METTL15: variants seen among roughly 807,000 people sequenced by gnomAD.
METTL15 encodes 12S rRNA N(4)-cytidine methyltransferase METTL15.
Under a neutral mutation model 38.3 loss-of-function variants are expected in METTL15, and 34 were observed. The observed-to-expected ratio is 0.89, with a 90% confidence interval of 0.68 to 1.18. The LOEUF (loss-of-function observed/expected upper bound fraction) is 1.18, where lower values mean the gene tolerates loss of function less well. Ranked by LOEUF, METTL15 falls within the 50% of genes most tolerant of loss-of-function variation. METTL15 has a pLI of 0.00. For missense variants in METTL15, 438 were observed against 498.4 expected, an observed-to-expected ratio of 0.88 and a Z score of 1.15; for synonymous variants, 162 against 170.9, an observed-to-expected ratio of 0.95 and a Z score of 0.41.
intron 4 of METTL15, among the ~76,000 whole-genome samples, chr11:28,217,163 T>C (rs1009771455): frequency 2.0e-5 from 3 of 152,156 alleles, no homozygotes; most frequent in African/African-American, 4.8e-5. Context: ...GTTGAACTAG[T>C]TTACAGTCCC....
chr11:28,452,904 G>A (rs1851135241), intron 6 of METTL15, among the ~76,000 whole-genome samples: 1 of 152,192 alleles, frequency 6.6e-6, no homozygotes, highest in African/African-American at 2.4e-5. Context: ...GAATGTTGAT[G>A]TGAAACACAA....
chr11:28,258,677 A>G (rs1330404721), intron 4 of METTL15, among the ~76,000 whole-genome samples: 1 of 152,132 alleles, frequency 6.6e-6, no homozygotes, highest in African/African-American at 2.4e-5. Context: ...CATGGGGAAT[A>G]CTGCCAGACT....
intron 5 of METTL15, among the ~76,000 whole-genome samples, chr11:28,398,496 A>G (rs1850597113): frequency 2.0e-5 from 3 of 152,086 alleles, no homozygotes; most frequent in African/African-American, 7.2e-5. Context: ...GTGTCTGTTC[A>G]TATCCTTTGC....
intron 5 of METTL15, among the ~76,000 whole-genome samples, chr11:28,409,700 T>A (rs1850708885): frequency 6.6e-6 from 1 of 151,952 alleles, no homozygotes; most frequent in Admixed American, 6.6e-5. Flanking sequence ...AAATAAATTG[T>A]CTTATGTTAC....
intron 3 of METTL15, chr11:28,123,969 T>G: frequency 1.0e-6 from 1 of 985,480 alleles, no homozygotes; most frequent in East Asian, 3.0e-5. Context: ...CAACATAGAG[T>G]TGTATAAGAT....
chr11:28,180,759 T>C (rs1851252856), intron 3 of METTL15, among the ~76,000 whole-genome samples: 1 of 151,834 alleles, frequency 6.6e-6, no homozygotes. Context: ...ATATTTGAAA[T>C]ACCAATTTCC....
In METTL15 at chr11:28,172,959, A is replaced by G. The variant is rs553974273; in HGVS notation, c.271-38103A>G. Reference sequence around the variant, plus strand: ...TGGTATTTCAGGAGACTAGAAATTAATGAGTGATTGGGACAACTGATTTCA... The same window carrying G: ...TGGTATTTCAGGAGACTAGAAATTAGTGAGTGATTGGGACAACTGATTTCA... On this transcript the variant is annotated intron_variant, in intron 3 of 6. Transcript: ENST00000407364. Among the ~76,000 whole-genome samples, 15 of 152,282 alleles carry G rather than the reference A, an allele frequency of 9.9e-5. No homozygotes were observed. The East Asian group carries it at 2.9e-3, about 29-fold the overall frequency.
intron 6 of METTL15, among the ~76,000 whole-genome samples, chr11:28,316,593 G>A (rs1857488540): frequency 6.6e-6 from 1 of 152,158 alleles, no homozygotes; most frequent in African/African-American, 2.4e-5. Flanking sequence ...GAAATGTGAA[G>A]ATAGGATATT....
chr11:28,237,764 T>A (rs1262977211), intron 4 of METTL15, among the ~76,000 whole-genome samples: 2 of 152,186 alleles, frequency 1.3e-5, no homozygotes, highest in Non-Finnish European at 2.9e-5. Context: ...ATGATGGTGA[T>A]GTACAGATGG....
chr11:28,269,857 C>G (rs1035497825), intron 4 of METTL15, among the ~76,000 whole-genome samples: 52 of 152,318 alleles, frequency 3.4e-4, no homozygotes, highest in African/African-American at 1.2e-3. Flanking sequence ...ATGCTGATCT[C>G]TGCCAGTGTA....
intron 6 of METTL15, among the ~76,000 whole-genome samples, chr11:28,430,493 G>A (rs1256444423): frequency 7.6e-5 from 1 of 13,194 alleles, no homozygotes; most frequent in African/African-American, 3.3e-4. Context: ...CCGTCCGGGA[G>A]GGAGATGGGG....
chr11:28,222,114 C>T (rs539379123), intron 4 of METTL15, among the ~76,000 whole-genome samples: 9 of 152,334 alleles, frequency 5.9e-5, no homozygotes, highest in Admixed American at 5.9e-4. Context: ...GCAGAGGTTT[C>T]TGCTGCCTTT....
At chr11:28,456,870 C>T (rs1426575980) in intron 6 of METTL15, among the ~76,000 whole-genome samples, 1 of 152,194 alleles carries the variant, frequency 6.6e-6, no homozygotes, top group Non-Finnish European at 1.5e-5. Context: ...ATGAAGAAGC[C>T]TCCAGATGAT....
chr11:28,413,002 T>G (rs981270995), intron 5 of METTL15, among the ~76,000 whole-genome samples: 5 of 152,192 alleles, frequency 3.3e-5, no homozygotes, highest in Non-Finnish European at 5.9e-5. Context: ...TCTATATGCA[T>G]AAAATGTAAT....
intron 4 of METTL15, among the ~76,000 whole-genome samples, chr11:28,239,927 A>G (rs1444180023): frequency 6.6e-6 from 1 of 152,156 alleles, no homozygotes; most frequent in Non-Finnish European, 1.5e-5. Context: ...TTGTCTGTTT[A>G]CCCCAACTAG....
At chr11:28,392,157 ATGAACAGACACT>A (rs1039424765) in intron 5 of METTL15, among the ~76,000 whole-genome samples, 2 of 152,310 alleles carry the variant, frequency 1.3e-5, no homozygotes, top group Non-Finnish European at 2.9e-5. Context: ...GGCAAAGGAT[ATGAACAGACACT>A]TCTCAAAAGA....
intron 6 of METTL15, among the ~76,000 whole-genome samples, chr11:28,313,905 T>C (rs12791341): frequency 0.25 from 37,935 of 151,990 alleles, 4,959 homozygotes; most frequent in African/African-American, 0.3. Context: ...ATAGCACATA[T>C]ATGCCTTTAG....
intron 6 of METTL15, among the ~76,000 whole-genome samples, chr11:28,525,698 C>A (rs1851804513): frequency 6.6e-6 from 1 of 152,260 alleles, no homozygotes; most frequent in Admixed American, 6.5e-5. Flanking sequence ...AAAGATTCTC[C>A]AAGTCCCCAC....
At chr11:28,113,708 A>G in intron 3 of METTL15, 104 bp downstream of exon 3, 1 of 1,238,216 alleles carries the variant, frequency 8.1e-7, no homozygotes, top group Non-Finnish European at 1.1e-6. Context: ...TTTAGTATAC[A>G]GATGAATCCC....
Sources: gnomAD v4.1 joint callset for allele counts (sites outside exome capture counted in the v4.1 genomes callset) on GRCh38, gnomAD v4.1.1 for gene constraint, MANE v1.5 for transcripts, NCBI Gene and HGNC (gene_info 2026-07-23, HGNC 2026-07-21) for gene names.